Variants in CMIP observed in about 807,000 individuals in gnomAD.
CMIP encodes the protein C-Maf-inducing protein.
Under a neutral mutation model 97.3 loss-of-function variants are expected in CMIP, and 13 were observed. That is an observed-to-expected ratio of 0.13 (90% CI 0.09 to 0.21). The LOEUF (loss-of-function observed/expected upper bound fraction) is 0.21, where lower values mean the gene tolerates loss of function less well. Among genes scored for constraint, CMIP ranks in the 10% least tolerant of loss-of-function variants. The pLI, the probability that CMIP is intolerant of heterozygous loss-of-function variation, is 1.00. For synonymous variants in CMIP, 538 were observed against 436.3 expected (o/e 1.23, Z -2.91); for missense variants, 847 against 1,024.9 (o/e 0.83, Z 2.37).
rs114758154 is a variant in CMIP, at chr16:81,683,193, G to A, written c.1388+4565G>A. Among the ~76,000 whole-genome samples, 762 of 152,358 alleles carry A rather than the reference G, an allele frequency of 5.0e-3. 10 individuals are homozygous for A. Among genetic ancestry groups the A allele is most frequent in the African/African-American group, 0.018 (730 of 41,578 alleles). The stretch of plus-strand genomic sequence containing the variant: ...TAAGAGCAGTGACATCAAGCGCTCA[G>A]TGCGGCTGCTGTAAAGCTCAGATGG... On this transcript the variant is annotated intron_variant, in intron 10 of 20. Coordinates refer to ENST00000537098, the MANE Select transcript of CMIP (RefSeq NM_198390.3).
At chr16:81,500,291 C>CTTCCTTCG in intron 1 of CMIP, among the ~76,000 whole-genome samples, 1 of 138,222 alleles carries the variant, frequency 7.2e-6, no homozygotes, top group South Asian at 2.5e-4. Context: ...TCCTTCCTTC[C>CTTCCTTCG]TTCCTTCCTT....
At position 81,491,676 on chromosome 16, in the gene CMIP, G is replaced by A. The variant is rs138046311; in HGVS notation, c.300+46135G>A. On this transcript the variant is annotated intron_variant, in intron 1 of 20. Coordinates refer to ENST00000537098, the MANE Select transcript of CMIP (RefSeq NM_198390.3). ...ATTCCTCACTTGGCGAACTCTTGCC[G>A]CTTGACGTCCCCAACTCCACAATCA... is the stretch of plus-strand genomic sequence containing the variant. Among the ~76,000 whole-genome samples, 501 of 152,262 alleles carry A rather than the reference G, an allele frequency of 3.3e-3. 6 individuals carry two copies. Among genetic ancestry groups the A allele is most frequent in the Non-Finnish European group, 1.4e-3 (92 of 68,020 alleles).
At chr16:81,520,366 A>G (rs1011286467) in intron 1 of CMIP, 6 of 152,148 alleles carry the variant, frequency 3.9e-5, no homozygotes, top group Non-Finnish European at 8.8e-5. Flanking sequence ...CAAATAAGCA[A>G]TTTCTATGCT....
chr16:81,585,531 C>T (rs958000403), intron 1 of CMIP, among the ~76,000 whole-genome samples: 1 of 152,182 alleles, frequency 6.6e-6, no homozygotes, highest in Non-Finnish European at 1.5e-5. Context: ...GTGGATTTGC[C>T]TATTCTGGAC....
At chr16:81,482,493 T>C (rs538074337) in intron 1 of CMIP, among the ~76,000 whole-genome samples, 1 of 152,206 alleles carries the variant, frequency 6.6e-6, no homozygotes, top group East Asian at 1.9e-4. Flanking sequence ...GAGGGCCTTT[T>C]AAGTCATGGG....
chr16:81,590,530 C>T (rs2091451205), intron 1 of CMIP, among the ~76,000 whole-genome samples: 1 of 152,214 alleles, frequency 6.6e-6, no homozygotes, highest in African/African-American at 2.4e-5. Flanking sequence ...CGCCCGGCTT[C>T]TGGGCCATCT....
At position 81,693,154 on chromosome 16, in the gene CMIP, G is replaced by T; in HGVS notation, c.1455-4G>T. On this transcript the variant is annotated splice_polypyrimidine_tract_variant and splice_region_variant and intron_variant, in intron 11 of 20. Coordinates refer to ENST00000537098, the MANE Select transcript of CMIP (RefSeq NM_198390.3). ...CGCCGTGTTTTCCCCTGTTTTTGTTGCAGAGCTCTCGCACATGAGAAGTTC... is the reference window on the plus strand; with the variant it reads ...CGCCGTGTTTTCCCCTGTTTTTGTTTCAGAGCTCTCGCACATGAGAAGTTC... The T allele has an allele frequency of 6.2e-7, 1 of 1,612,670 alleles. No homozygotes were observed. The highest frequency in any genetic ancestry group is 8.5e-7 in the Non-Finnish European group (1 of 1,178,902).
At chr16:81,474,742 C>T (rs375351871) in intron 1 of CMIP, among the ~76,000 whole-genome samples, 17 of 152,256 alleles carry the variant, frequency 1.1e-4, no homozygotes, top group African/African-American at 3.9e-4. Flanking sequence ...GGCTCCCTCT[C>T]CTCTGGTCCT....
chr16:81,629,392 C>T (rs1310290902), intron 3 of CMIP, among the ~76,000 whole-genome samples: 1 of 152,138 alleles, frequency 6.6e-6, no homozygotes, highest in African/African-American at 2.4e-5. Flanking sequence ...TCTGGCCTTG[C>T]ACCTGACTCC....
At chr16:81,645,584 G>C (rs1197899270) in intron 3 of CMIP, 1 of 1,536,060 alleles carries the variant, frequency 6.5e-7, no homozygotes, top group Admixed American at 2.0e-5. Flanking sequence ...CAGAGCGATG[G>C]CAAGTGTTGC....
At chr16:81,587,437 G>C (rs904395936) in intron 1 of CMIP, among the ~76,000 whole-genome samples, 1 of 152,200 alleles carries the variant, frequency 6.6e-6, no homozygotes, top group African/African-American at 2.4e-5. Flanking sequence ...GTGACCCAGT[G>C]GGGGGCCGGT....
rs564098215 is a variant in CMIP at position 81,655,209 on chromosome 16, G to A, written c.640-2566G>A. On this transcript the variant is annotated intron_variant, in intron 4 of 20. Coordinates refer to ENST00000537098, the MANE Select transcript of CMIP (RefSeq NM_198390.3). This position sits in a 1 kb window ranked among gnomAD's most constrained non-coding sequence, Gnocchi z 4.9. ...AAACAAACATCTGCCTTCGACCTCC[G>A]TGCCCTGTTTTGGGGCTGGGTTGTT... 1.4e-4 allele frequency among the ~76,000 whole-genome samples: 21 copies of A among 152,256 alleles called. No homozygotes were observed. The highest frequency in any genetic ancestry group is 6.5e-4 in the Admixed American group (10 of 15,296).
chr16:81,452,885 G>GTTTT (rs558606255), intron 1 of CMIP, among the ~76,000 whole-genome samples: 6 of 129,228 alleles, frequency 4.6e-5, no homozygotes, highest in East Asian at 2.3e-4. Flanking sequence ...TTTTTGTTTT[G>GTTTT]TTTTTTTTTT....
At chr16:81,604,427 C>T (rs867446014) in intron 1 of CMIP, among the ~76,000 whole-genome samples, 7 of 141,106 alleles carry the variant, frequency 5.0e-5, no homozygotes, top group South Asian at 2.3e-4. Context: ...GGACCGGCTG[C>T]GGTGGCTTAT....
intron 1 of CMIP, among the ~76,000 whole-genome samples, chr16:81,455,460 C>T (rs764129240): frequency 3.3e-5 from 5 of 152,364 alleles, no homozygotes; most frequent in East Asian, 1.9e-4. Context: ...GAGGGACCCA[C>T]GGAGAGGGAG....
At chr16:81,704,619 T>C (rs192034625) in intron 18 of CMIP, among the ~76,000 whole-genome samples, 1 of 4,570 alleles carries the variant, frequency 2.2e-4, no homozygotes, top group Non-Finnish European at 4.4e-4. Flanking sequence ...CTGTCCCCCT[T>C]ACTCTCCTCC....
At chr16:81,520,735 T>G (rs1236619393) in intron 1 of CMIP, 1 of 152,262 alleles carries the variant, frequency 6.6e-6, no homozygotes, top group Non-Finnish European at 1.5e-5. Context: ...TCAGACAGTC[T>G]GCCCATTGTG....
intron 3 of CMIP, among the ~76,000 whole-genome samples, chr16:81,625,156 C>T (rs2092044697): frequency 6.6e-6 from 1 of 152,230 alleles, no homozygotes; most frequent in Non-Finnish European, 1.5e-5. Context: ...CCTCCCAGCC[C>T]TCCCGGCCTG....
At chr16:81,657,269 G>T (rs1413225809) in intron 4 of CMIP, among the ~76,000 whole-genome samples, 1 of 152,186 alleles carries the variant, frequency 6.6e-6, no homozygotes, top group Non-Finnish European at 1.5e-5. Context: ...CCCACTCACG[G>T]AACTTCATGT....
Sources: gnomAD v4.1 joint callset for allele counts (sites outside exome capture counted in the v4.1 genomes callset) on GRCh38, gnomAD v4.1.1 for gene constraint, Gnocchi (gnomAD v3.1) non-coding constraint, MANE v1.5 for transcripts, NCBI Gene and HGNC (gene_info 2026-07-23, HGNC 2026-07-21) for gene names.